Variants in ADAMTS7 observed in about 807,000 individuals in gnomAD.
The protein encoded by ADAMTS7 is A disintegrin and metalloproteinase with thrombospondin motifs 7.
A neutral mutation model predicts 172.6 loss-of-function variants in ADAMTS7; 89 were observed. The ratio of observed to expected loss-of-function variants is 0.52; its 90% CI spans 0.43 to 0.61. The LOEUF is 0.61. Among genes scored for constraint, ADAMTS7 ranks in the 20% least tolerant of loss-of-function variants. ADAMTS7 has a pLI of 0.00. For missense variants in ADAMTS7, 1,973 were observed against 2,355.6 expected (o/e 0.84, Z 3.36); for synonymous variants, 885 against 978.4 (o/e 0.90, Z 1.78).
rs369211102 is a variant in ADAMTS7 at position 78,768,130 on chromosome 15, C to T, written c.2645+3G>A. The T allele has an allele frequency of 1.4e-6, 2 of 1,465,222 alleles. No individual in the cohort carries two copies. Among genetic ancestry groups the T allele is most frequent in the African/African-American group, 1.8e-5 (1 of 55,240 alleles). 90.8% of individuals were successfully genotyped at this position (1,465,222 alleles called of 1,614,324 possible). A position where few individuals can be genotyped will look rare whatever the true frequency, so the allele number is the denominator to read the frequency against. On this transcript the variant is annotated splice_donor_region_variant and intron_variant, in intron 17 of 23. Transcript: ENST00000388820. ...AGTTGGCGGGGGATGGGGGCGGGCT[C>T]ACCTGGCAGGGCAGGGCTGCTCGCT...
In ADAMTS7 at chr15:78,807,196, G is replaced by A. The variant is rs922693; in HGVS notation, c.100+3925C>T. Among the ~76,000 whole-genome samples the A allele has an allele frequency of 0.7, 106,904 of 152,108 alleles. 37,856 individuals are homozygous for A. The highest frequency in any genetic ancestry group is 0.86 in the Middle Eastern group (254 of 294). On this transcript the variant is annotated intron_variant, in intron 1 of 23. Coordinates refer to ENST00000388820, the MANE Select transcript of ADAMTS7 (RefSeq NM_014272.5). Reference sequence around the variant, plus strand: ...AACCAGCTCTAAAATTCTCAACTGGGGGAGCTACATGACACTCTTTTAGGC... The same window carrying A: ...AACCAGCTCTAAAATTCTCAACTGGAGGAGCTACATGACACTCTTTTAGGC...
At position 78,771,444 on chromosome 15, in the gene ADAMTS7, C is replaced by T. The variant is rs577626279; in HGVS notation, c.2376+141G>A. 5.7e-4 allele frequency: 876 copies of T among 1,537,056 alleles called. 7 individuals are homozygous for T. In the South Asian group the frequency reaches 9.0e-3, roughly 16 times the overall value. On this transcript the variant is annotated intron_variant, in intron 15 of 23. Coordinates refer to ENST00000388820, the MANE Select transcript of ADAMTS7 (RefSeq NM_014272.5). This position sits in a 1 kb window ranked among gnomAD's most constrained non-coding sequence, Gnocchi z 4.9. ...AAGATGGGGAAACTGAGGTAGAGGC[C>T]GCAGCAGGAGGGCCTGGCTCAGAGC...
chr15:78,776,772 C>T lies in ADAMTS7; in HGVS notation c.1537G>A (p.Gly513Ser), dbSNP rs1451160467. 3.9e-6 allele frequency: 6 copies of T among 1,551,540 alleles called. No individual in the cohort carries two copies. The highest frequency in any genetic ancestry group is 1.2e-5 in the South Asian group (1 of 84,104). Reference sequence around the variant, plus strand: ...ACCTTATTCTCCCCACACCGGGTGCCGTCCACAGCTGCATCCAGCTTGGAG... The same window carrying T: ...ACCTTATTCTCCCCACACCGGGTGCTGTCCACAGCTGCATCCAGCTTGGAG... The part of the protein sequence containing the change: ...CHSKLDAAVD[G>S]TRCGENKWCL... The change falls in exon 10 of 24, where the codon GGC becomes AGC. Residue 513 changes from glycine (G) to serine (S), a missense_variant. Physicochemically the swap from Gly to Ser is moderately conservative, Grantham distance 56. Around this residue, in one of 8 missense-constraint regions of ADAMTS7, gnomAD observed 526 missense variants for 662.9 expected, o/e 0.79. Transcript: ENST00000388820.
chr15:78,771,912 A>T lies in ADAMTS7; in HGVS notation c.2132-83T>A. On this transcript the variant is annotated intron_variant, in intron 14 of 23. Transcript: ENST00000388820. The surrounding 1 kb of genome is among the most constrained non-coding windows in gnomAD (Gnocchi z 4.9). ...ACCCGCTCCCCTCATGTCTCTCCCCACTTGCCTCCGCCTGCTGATGCCAAA... is the reference window on the plus strand; with the variant it reads ...ACCCGCTCCCCTCATGTCTCTCCCCTCTTGCCTCCGCCTGCTGATGCCAAA... 6.5e-7 allele frequency: 1 copy of T among 1,532,656 alleles called. No individual in the cohort carries two copies. Among genetic ancestry groups the T allele is most frequent in the Admixed American group, 1.8e-5 (1 of 55,634 alleles). 94.9% of individuals were successfully genotyped at this position (1,532,656 alleles called of 1,614,324 possible).
In ADAMTS7 at chr15:78,773,266, C is replaced by T. The variant is rs368604574; in HGVS notation, c.2011-63G>A. On this transcript the variant is annotated intron_variant, in intron 13 of 23. Transcript: ENST00000388820. ...GGCCAGCCCTCTGTGGCCCCAGCCC[C>T]GGGGCCAGCCAGAGTCAGGAGAAGA... 1.5e-5 allele frequency: 20 copies of T among 1,359,136 alleles called. 6 individuals carry two copies. The highest frequency in any genetic ancestry group is 7.2e-5 in the East Asian group (3 of 41,874). 84.2% of individuals were successfully genotyped at this position (1,359,136 alleles called of 1,614,324 possible).
intron 19 of ADAMTS7, 80 bp downstream of exon 19, chr15:78,765,565 C>T (rs2055126003): frequency 7.6e-6 from 12 of 1,589,372 alleles, no homozygotes; most frequent in Middle Eastern, 2.3e-4. Flanking sequence ...GCCTGTGTCC[C>T]ACTCTGCTCA....
intron 1 of ADAMTS7, among the ~76,000 whole-genome samples, chr15:78,808,135 T>C (rs373002992): frequency 3.9e-5 from 6 of 152,072 alleles, no homozygotes; most frequent in African/African-American, 1.4e-4. Context: ...GAATTACAGG[T>C]GTGAATCACT....
chr15:78,811,266 G>A lies in ADAMTS7; in HGVS notation c.-46C>T. The A allele has an allele frequency of 2.5e-6, 3 of 1,221,600 alleles. No individual in the cohort carries two copies. Among genetic ancestry groups the A allele is most frequent in the Middle Eastern group, 3.2e-4 (1 of 3,164 alleles). The allele number at this position is 1,221,600 out of a possible 1,614,324, so 75.7% of individuals were successfully genotyped here. On this transcript the variant is annotated 5_prime_UTR_variant, in exon 1 of 24. The change creates a new upstream start codon in the 5' untranslated region. Transcript: ENST00000388820. Reference sequence around the variant, plus strand: ...CGGGTGACCCCGCGCGCACGCTCTCGTCCGTCCCGTCCGGTCGCTGCCTGG... The same window carrying A: ...CGGGTGACCCCGCGCGCACGCTCTCATCCGTCCCGTCCGGTCGCTGCCTGG...
Position 78,796,653 on chromosome 15 carries a change from G to T in ADAMTS7, c.756C>A (p.Ala252=). ...GCTGTCCGTGGTACTCCACCATTTTGGCATCAGCTACTACCAGGGTCTCCA... is the reference window on the plus strand; with the variant it reads ...GCTGTCCGTGGTACTCCACCATTTTTGCATCAGCTACTACCAGGGTCTCCA... ...KWVETLVVAD[A]KMVEYHGQPQ... The change falls in exon 4 of 24, where the codon GCC becomes GCA. Residue 252 remains alanine (A), a synonymous_variant. Transcript: ENST00000388820. 1 of 1,613,852 alleles carries T rather than the reference G, an allele frequency of 6.2e-7. No individual in the cohort carries two copies. The highest frequency in any genetic ancestry group is 1.1e-5 in the South Asian group (1 of 91,074).
At chr15:78,769,586 G>A (rs1353993672) in intron 16 of ADAMTS7, among the ~76,000 whole-genome samples, 1 of 152,184 alleles carries the variant, frequency 6.6e-6, no homozygotes, top group Non-Finnish European at 1.5e-5. Context: ...CTGGAAGGGA[G>A]GACACCATCT....
intron 17 of ADAMTS7, 87 bp downstream of exon 17, chr15:78,768,046 G>GATGGGGGTGGGGAGTTGGCGGGGA (rs2055185794): frequency 1.9e-5 from 12 of 646,514 alleles, no homozygotes; most frequent in Admixed American, 3.0e-5. Context: ...GTTGGCGGGG[G>GATGGGGGTGGGGAGTTGGCGGGGA]ATGGGGTGGG....
In ADAMTS7 at chr15:78,762,023, A is replaced by T. The variant is rs188439459; in HGVS notation, c.4903+380T>A. The T allele has an allele frequency of 1.7e-4, 163 of 985,324 alleles. No individual in the cohort carries two copies. In the African/African-American group the frequency reaches 2.8e-3, roughly 17 times the overall value. The allele number at this position is 985,324 out of a possible 1,614,324, so 61.0% of individuals were successfully genotyped here. A position where few individuals can be genotyped will look rare whatever the true frequency, so the allele number is the denominator to read the frequency against. On this transcript the variant is annotated intron_variant, in intron 23 of 23. Transcript: ENST00000388820. ...AGGCCAGGGCTGGGGACAGGGACTCACCCAGGCCCAGTTTTCACACAGCCT... is the reference window on the plus strand; with the variant it reads ...AGGCCAGGGCTGGGGACAGGGACTCTCCCAGGCCCAGTTTTCACACAGCCT...
Position 78,789,689 on chromosome 15 carries a change from CTGTGCCCGAGCTCGTGGGCTACAG to C in ADAMTS7, c.1154_1177del (p.Thr385_His392del). 6.2e-7 allele frequency: 1 copy of C among 1,613,724 alleles called. No individual in the cohort carries two copies. The highest frequency in any genetic ancestry group is 8.5e-7 in the Non-Finnish European group (1 of 1,179,966). On this transcript the variant is annotated inframe_deletion and splice_region_variant, in exon 7 of 24. Coordinates refer to ENST00000388820, the MANE Select transcript of ADAMTS7 (RefSeq NM_014272.5). ...GTAGCAATGGGGGCAGGCACAGTAC[CTGTGCCCGAGCTCGTGGGCTACAG>C]TGAAGGCCAGCGGCAGGCCCGTGTC... is the stretch of plus-strand genomic sequence containing the variant.
chr15:78,790,078 T>C (rs2055558299), intron 6 of ADAMTS7, among the ~76,000 whole-genome samples: 1 of 152,252 alleles, frequency 6.6e-6, no homozygotes, highest in Non-Finnish European at 1.5e-5. Context: ...CAATTTTGGT[T>C]ACTATCCAGC....
At position 78,762,576 on chromosome 15, in the gene ADAMTS7, C is replaced by CG. The variant is rs74316827; in HGVS notation, c.4741-12dup. The CG allele has an allele frequency of 0.016, 23,383 of 1,457,524 alleles. 3,406 individuals carry two copies. The East Asian group carries it at 0.35, about 22-fold the overall frequency. The allele number at this position is 1,457,524 out of a possible 1,614,324, so 90.3% of individuals were successfully genotyped here. ...ACAGGGGCCTGAGCACTGAGGGGAGCGGGGGAGGAATGAGTGTCTCCAGGG... is the reference window on the plus strand; with the variant it reads ...ACAGGGGCCTGAGCACTGAGGGGAGCGGGGGGAGGAATGAGTGTCTCCAGGG... On this transcript the variant is annotated splice_polypyrimidine_tract_variant and intron_variant, in intron 22 of 23. Coordinates refer to ENST00000388820, the MANE Select transcript of ADAMTS7 (RefSeq NM_014272.5).
chr15:78,774,388 T>C (rs1455063725), intron 12 of ADAMTS7, 88 bp from the exon 13 acceptor site: 1 of 1,461,110 alleles, frequency 6.8e-7, no homozygotes, highest in African/African-American at 1.4e-5. Flanking sequence ...CACACATCCA[T>C]GGCAGGCTGG....
At chr15:78,764,207 G>A (rs1390489782) in intron 20 of ADAMTS7, 108 bp from the exon 21 acceptor site, 1 of 1,390,260 alleles carries the variant, frequency 7.2e-7, no homozygotes, top group Non-Finnish European at 9.5e-7. Context: ...CCCAGCCCGG[G>A]GGAATAGCTG....
intron 13 of ADAMTS7, among the ~76,000 whole-genome samples, chr15:78,773,513 C>T (rs1171383739): frequency 2.0e-5 from 3 of 151,756 alleles, no homozygotes; most frequent in African/African-American, 7.3e-5. Flanking sequence ...TGACACGCCA[C>T]GGGCTCCTGA....
At position 78,800,529 on chromosome 15, in the gene ADAMTS7, C is replaced by T. The variant is rs1454835391; in HGVS notation, c.119G>A (p.Arg40Gln). Residue 40 changes from arginine to glutamine, a missense_variant, in exon 2 of 24, where the codon CGG becomes CAG. Physicochemically the swap from Arg to Gln is conservative, Grantham distance 43. This residue lies in a region of ADAMTS7 where 306 missense variants were observed against 288.0 expected (regional missense o/e 1.06). Coordinates refer to ENST00000388820, the MANE Select transcript of ADAMTS7 (RefSeq NM_014272.5). ...GPAPGRATEG[R>Q]AALDIVHPVR... ...CGGGTGCACGATGTCCAGTGCCGCC[C>T]GGCCCTCGGTTGCACGTCCTGCAGG... The T allele has an allele frequency of 3.8e-6, 6 of 1,599,246 alleles. No homozygotes were observed. The Admixed American group carries it at 5.2e-5, about 14-fold the overall frequency.
Sources: gnomAD v4.1 joint callset for allele counts (sites outside exome capture counted in the v4.1 genomes callset) on GRCh38, gnomAD v4.1.1 for gene constraint, gnomAD v4.1.1 regional missense constraint, Gnocchi (gnomAD v3.1) non-coding constraint, MANE v1.5 for transcripts, NCBI Gene and HGNC (gene_info 2026-07-23, HGNC 2026-07-21) for gene names.